The following WDR59 variants were observed in gnomAD, a reference collection of about 807,000 sequenced individuals.
WDR59 encodes the protein WD repeat domain 59, also known as GATOR2 complex protein WDR59.
WDR59 carries 100 observed loss-of-function variants against 131.2 expected under a neutral mutation model. That is an observed-to-expected ratio of 0.76 (90% CI 0.65 to 0.90). The LOEUF (loss-of-function observed/expected upper bound fraction) is 0.90, where lower values mean the gene tolerates loss of function less well. WDR59 is among the 40% of genes least tolerant of loss of function. WDR59 has a pLI of 0.00. For synonymous variants in WDR59, 601 were observed against 466.2 expected (o/e 1.29, Z -3.72); for missense variants, 1,203 against 1,262.2 (o/e 0.95, Z 0.71).
At position 74,938,162 on chromosome 16, in the gene WDR59, G is replaced by C; in HGVS notation, c.639C>G (p.Asp213Glu). 6.4e-7 allele frequency: 1 copy of C among 1,559,498 alleles called. No homozygotes were observed. Among genetic ancestry groups the C allele is most frequent in the Non-Finnish European group, 8.7e-7 (1 of 1,153,896 alleles). Residue 213 changes from aspartate to glutamate, a missense_variant, in exon 8 of 26, where the codon GAC becomes GAG. Physicochemically the swap from Asp to Glu is conservative, Grantham distance 45. Transcript: ENST00000262144. ...SEHILATSSQDNSVKFWDYRQ... is the reference protein window; with the variant it reads ...SEHILATSSQENSVKFWDYRQ... ...GGGTGCCACTGACCTTCACAGAATT[G>C]TCTTGACTGGAGGTAGCAAGAATGT... is the stretch of plus-strand genomic sequence containing the variant.
intron 8 of WDR59, among the ~76,000 whole-genome samples, chr16:74,928,340 G>C (rs576538382): frequency 6.6e-6 from 1 of 151,018 alleles, no homozygotes; most frequent in South Asian, 2.1e-4. Context: ...CAGCAGCCTT[G>C]TGAGTAGATG....
chr16:74,913,331 A>G (rs540381554), intron 13 of WDR59, among the ~76,000 whole-genome samples: 3 of 151,756 alleles, frequency 2.0e-5, no homozygotes, highest in Admixed American at 2.0e-4. Context: ...GTGTGGCACA[A>G]TCTCAGCTCA....
chr16:74,977,225 G>A (rs1387703677), intron 1 of WDR59, among the ~76,000 whole-genome samples: 1 of 151,588 alleles, frequency 6.6e-6, no homozygotes, highest in Non-Finnish European at 1.5e-5. Context: ...CACAGTAACA[G>A]CGAGATCGCA....
chr16:74,950,992 C>CAA (rs528212034), intron 4 of WDR59, among the ~76,000 whole-genome samples: 35 of 75,304 alleles, frequency 4.6e-4, no homozygotes, highest in African/African-American at 1.4e-3. Flanking sequence ...CCTGTCTCCA[C>CAA]AAAAAAAAAA....
At chr16:74,879,575 T>A (rs1457993172) in intron 25 of WDR59, among the ~76,000 whole-genome samples, 2 of 152,328 alleles carry the variant, frequency 1.3e-5, no homozygotes, top group African/African-American at 4.8e-5. Context: ...TGGCTAATGA[T>A]CTATTTTCTA....
chr16:74,942,286 C>T (rs1391187118), intron 7 of WDR59, among the ~76,000 whole-genome samples: 1 of 152,024 alleles, frequency 6.6e-6, no homozygotes, highest in Non-Finnish European at 1.5e-5. Flanking sequence ...CCTTGCTCAT[C>T]GTTATTGGAA....
chr16:74,958,592 C>CAAAA lies in WDR59; in HGVS notation c.105-1986_105-1983dup, dbSNP rs747175030. Among the ~76,000 whole-genome samples the CAAAA allele has an allele frequency of 2.1e-3, 28 of 13,238 alleles. 7 individuals carry two copies. The highest frequency in any genetic ancestry group is 3.2e-3 in the African/African-American group (15 of 4,696). 8.7% of individuals were successfully genotyped at this position (13,238 alleles called of 152,430 possible). ...TGGGGGACAGGCTGAGACTCCATCT[C>CAAAA]AAAAAAAAAAAAAAAAAAAAAAAAA... On this transcript the variant is annotated intron_variant, in intron 2 of 25. Coordinates refer to ENST00000262144, the MANE Select transcript of WDR59 (RefSeq NM_030581.4).
intron 8 of WDR59, among the ~76,000 whole-genome samples, chr16:74,925,543 CAAAA>C (rs35515333): frequency 1.9e-5 from 2 of 105,012 alleles, no homozygotes; most frequent in African/African-American, 4.0e-5. Context: ...GACTCCATCT[CAAAA>C]AAAAAAAAAA....
intron 2 of WDR59, among the ~76,000 whole-genome samples, chr16:74,958,520 G>C (rs1368330733): frequency 7.1e-6 from 1 of 140,422 alleles, no homozygotes; most frequent in African/African-American, 2.6e-5. Flanking sequence ...TTGAACCTGG[G>C]AGGCAGAGGT....
chr16:74,959,790 ACTC>A (rs1196999578), intron 2 of WDR59, among the ~76,000 whole-genome samples: 2 of 147,790 alleles, frequency 1.4e-5, no homozygotes, highest in Non-Finnish European at 3.0e-5. Flanking sequence ...GAAAGAAAAA[ACTC>A]CTCCCTTGCC....
At chr16:74,927,206 T>A (rs183198965) in intron 8 of WDR59, among the ~76,000 whole-genome samples, 2 of 152,298 alleles carry the variant, frequency 1.3e-5, no homozygotes, top group Non-Finnish European at 2.9e-5. Context: ...TTAGATGGCA[T>A]AACTGTTAAA....
chr16:74,950,756 C>T (rs1298242859), intron 4 of WDR59, among the ~76,000 whole-genome samples: 5 of 152,118 alleles, frequency 3.3e-5, no homozygotes, highest in Non-Finnish European at 7.4e-5. Context: ...CCGCTGCTGC[C>T]GGAGAGAAAG....
chr16:74,981,660 A>ATATATTTTTTTTTTTTTT (rs1567451007), intron 1 of WDR59, among the ~76,000 whole-genome samples: 9 of 80,864 alleles, frequency 1.1e-4, no homozygotes, highest in East Asian at 3.4e-4. Flanking sequence ...ATATATATAT[A>ATATATTTTTTTTTTTTTT]TTTTTTTTTT....
intron 18 of WDR59, 79 bp downstream of exon 18, chr16:74,903,868 C>T: frequency 6.7e-7 from 1 of 1,493,858 alleles, no homozygotes; most frequent in East Asian, 2.4e-5. Context: ...ACTAATCTAG[C>T]TGCTGCGCCA....
At chr16:74,940,586 T>C (rs1382123764) in intron 7 of WDR59, among the ~76,000 whole-genome samples, 2 of 152,226 alleles carry the variant, frequency 1.3e-5, no homozygotes, top group Admixed American at 1.3e-4. Context: ...GTGAAGTCTG[T>C]AATGCTTGCT....
At chr16:74,922,185 C>T in intron 9 of WDR59, 82 bp from the exon 10 acceptor site, 2 of 1,542,988 alleles carry the variant, frequency 1.3e-6, no homozygotes, top group Middle Eastern at 1.7e-4. Flanking sequence ...ACCTGGAATT[C>T]TTCCTAAGTA....
intron 20 of WDR59, among the ~76,000 whole-genome samples, chr16:74,890,544 C>A (rs1298487441): frequency 6.6e-6 from 1 of 152,180 alleles, no homozygotes; most frequent in Non-Finnish European, 1.5e-5. Flanking sequence ...ATCTGTCCCT[C>A]TTTTCCTAAA....
At chr16:74,969,473 G>T (rs1487222483) in intron 1 of WDR59, among the ~76,000 whole-genome samples, 1 of 151,960 alleles carries the variant, frequency 6.6e-6, no homozygotes, top group Non-Finnish European at 1.5e-5. Context: ...GGGTTTCACC[G>T]TGTTAGCCAG....
At chr16:74,952,445 C>CAAAAAA (rs61448932) in intron 3 of WDR59, among the ~76,000 whole-genome samples, 266 of 61,352 alleles carry the variant, frequency 4.3e-3, no homozygotes, top group Middle Eastern at 0.014. Context: ...CCATCTCAAA[C>CAAAAAA]AAAAAAAAAA....
Sources: allele counts gnomAD v4.1 joint callset (sites outside exome capture counted in the v4.1 genomes callset), GRCh38; gene constraint gnomAD v4.1.1; transcripts MANE v1.5; gene names NCBI Gene and HGNC (gene_info 2026-07-23, HGNC 2026-07-21).